The following CNTLN variants were observed in gnomAD, a reference collection of about 807,000 sequenced individuals.
CNTLN encodes the protein centlein, centrosomal protein.
In CNTLN, 212 loss-of-function variants were observed where a neutral mutation model predicts 180.0. The ratio of observed to expected loss-of-function variants is 1.18; its 90% confidence interval spans 1.05 to 1.32. CNTLN has a LOEUF of 1.32. CNTLN is among the 40% of genes most tolerant of loss of function. The probability of loss-of-function intolerance (pLI) is 0.00; values close to 1 mark genes in which losing one functional copy is unlikely to be tolerated. For synonymous variants in CNTLN, 722 were observed against 563.1 expected (o/e 1.28, Z -3.99); for missense variants, 2,095 against 1,610.9 (o/e 1.30, Z -5.14).
At chr9:17,320,001 G>A (rs1443311190) in intron 8 of CNTLN, among the ~76,000 whole-genome samples, 1 of 152,126 alleles carries the variant, frequency 6.6e-6, no homozygotes, top group South Asian at 2.1e-4. Flanking sequence ...ATCTCAAAGC[G>A]ATTGTTTATC....
chr9:17,168,384 C>A lies in CNTLN; in HGVS notation c.449+25008C>A, dbSNP rs372634310. ...AAGTAAAAAAAGAAAAAAGTTATATCCCCAAATTTAAGAAATAAGTAATAT... is the reference window on the plus strand; with the variant it reads ...AAGTAAAAAAAGAAAAAAGTTATATACCCAAATTTAAGAAATAAGTAATAT... On this transcript the variant is annotated intron_variant, in intron 2 of 25. Transcript: ENST00000380647. 19 of 152,214 alleles carry A rather than the reference C, an allele frequency of 1.2e-4. No individual in the cohort carries two copies. The East Asian group carries it at 1.5e-3, about 12-fold the overall frequency. 9.4% of individuals were successfully genotyped at this position (152,214 alleles called of 1,614,324 possible).
At chr9:17,521,358 T>C in the CNTLN span, among the ~76,000 whole-genome samples, 2 of 150,516 alleles carry the variant, frequency 1.3e-5, no homozygotes, top group Admixed American at 1.3e-4. Flanking sequence ...ATCTTAGGTG[T>C]AAGTAAGAAA....
chr9:17,338,156 T>C (rs1163901685), intron 10 of CNTLN, among the ~76,000 whole-genome samples: 1 of 149,152 alleles, frequency 6.7e-6, no homozygotes, highest in Non-Finnish European at 1.5e-5. Flanking sequence ...TTCTTCTTTC[T>C]TTCTTTTTCT....
At chr9:17,297,468 C>G (rs1211150410) in intron 6 of CNTLN, among the ~76,000 whole-genome samples, 1 of 152,152 alleles carries the variant, frequency 6.6e-6, no homozygotes, top group Non-Finnish European at 1.5e-5. Context: ...TAATCTGTAT[C>G]ACACAGGATT....
At chr9:17,390,056 A>G (rs1404936687) in intron 14 of CNTLN, among the ~76,000 whole-genome samples, 1 of 152,072 alleles carries the variant, frequency 6.6e-6, no homozygotes, top group Non-Finnish European at 1.5e-5. Context: ...CTCAGAAGAA[A>G]CCAACCCTGC....
intron 2 of CNTLN, among the ~76,000 whole-genome samples, chr9:17,189,371 C>G (rs940491149): frequency 6.6e-6 from 1 of 151,744 alleles, no homozygotes; most frequent in Non-Finnish European, 1.5e-5. Context: ...CCTGAACCAC[C>G]GTGCCCGGCC....
At chr9:17,389,049 A>C (rs1370217798) in intron 14 of CNTLN, among the ~76,000 whole-genome samples, 7 of 152,094 alleles carry the variant, frequency 4.6e-5, no homozygotes, top group Middle Eastern at 3.4e-3. Context: ...TAAAGCTGAA[A>C]ATGTACAAAT....
chr9:17,414,969 C>G (rs1828115698), intron 16 of CNTLN, among the ~76,000 whole-genome samples: 1 of 151,922 alleles, frequency 6.6e-6, no homozygotes, highest in African/African-American at 2.4e-5. Flanking sequence ...CCCTGTAGTC[C>G]CAGGTACTTG....
At chr9:17,350,937 C>T (rs904543345) in intron 12 of CNTLN, among the ~76,000 whole-genome samples, 30 of 152,072 alleles carry the variant, frequency 2.0e-4, no homozygotes, top group East Asian at 1.4e-3. Flanking sequence ...TTTGAGAGGA[C>T]GTAATTAAGT....
At chr9:17,367,422 A>G (rs556325448) in intron 13 of CNTLN, among the ~76,000 whole-genome samples, 4 of 152,180 alleles carry the variant, frequency 2.6e-5, no homozygotes, top group East Asian at 1.9e-4. Flanking sequence ...CTAGGCCACA[A>G]TGACTTCAAC....
chr9:17,420,901 A>G (rs747578045), intron 18 of CNTLN, among the ~76,000 whole-genome samples: 10 of 152,002 alleles, frequency 6.6e-5, no homozygotes, highest in Non-Finnish European at 1.5e-4. Context: ...TTCTACTTTA[A>G]TTCCATTGTG....
At chr9:17,228,418 C>T (rs1045521947) in intron 3 of CNTLN, among the ~76,000 whole-genome samples, 1 of 151,906 alleles carries the variant, frequency 6.6e-6, no homozygotes, top group African/African-American at 2.4e-5. Flanking sequence ...CATTTTTGTG[C>T]AATGATGATT....
chr9:17,369,206 C>T (rs1405282927), intron 13 of CNTLN, among the ~76,000 whole-genome samples: 2 of 152,056 alleles, frequency 1.3e-5, no homozygotes, highest in Non-Finnish European at 2.9e-5. Flanking sequence ...TTTCCCCGTT[C>T]GCTTGGCACT....
Position 17,201,734 on chromosome 9 carries a change from A to T in CNTLN, c.450-24469A>T, listed in dbSNP as rs1822544758. On this transcript the variant is annotated intron_variant, in intron 2 of 25. Transcript: ENST00000380647. Reference sequence around the variant, plus strand: ...TTTATTCTTCTCTCTTTTGTTCTTTATTATTAGTCTAGCTAGTGATCTATT... The same window carrying T: ...TTTATTCTTCTCTCTTTTGTTCTTTTTTATTAGTCTAGCTAGTGATCTATT... Among the ~76,000 whole-genome samples the T allele has an allele frequency of 3.3e-5, 5 of 151,170 alleles. No individual in the cohort carries two copies. In the South Asian group the frequency reaches 1.0e-3, roughly 32 times the overall value.
intron 18 of CNTLN, among the ~76,000 whole-genome samples, chr9:17,433,087 A>T (rs1304594979): frequency 6.6e-6 from 1 of 151,468 alleles, no homozygotes; most frequent in Non-Finnish European, 1.5e-5. Flanking sequence ...ATCTAACATT[A>T]TTCTCCACTA....
intron 16 of CNTLN, among the ~76,000 whole-genome samples, chr9:17,412,052 G>A (rs568601601): frequency 1.2e-3 from 165 of 142,800 alleles, no homozygotes; most frequent in African/African-American, 4.0e-3. Flanking sequence ...TGGAAGCCCA[G>A]TGGGGAACAT....
intron 18 of CNTLN, among the ~76,000 whole-genome samples, chr9:17,425,182 A>G (rs1483891686): frequency 6.6e-6 from 1 of 152,166 alleles, no homozygotes; most frequent in African/African-American, 2.4e-5. Context: ...TATTATTGCT[A>G]CAGACTGAAT....
At chr9:17,281,792 G>T (rs1188053067) in intron 6 of CNTLN, among the ~76,000 whole-genome samples, 1 of 151,954 alleles carries the variant, frequency 6.6e-6, no homozygotes. Context: ...TATTATATTG[G>T]GTATATATAC....
intron 19 of CNTLN, among the ~76,000 whole-genome samples, chr9:17,458,476 A>G (rs1420603672): frequency 2.6e-5 from 4 of 151,976 alleles, no homozygotes; most frequent in Non-Finnish European, 5.9e-5. Flanking sequence ...GTGAGTCACT[A>G]GAAAGAAAAT....
Sources: allele counts gnomAD v4.1 joint callset (sites outside exome capture counted in the v4.1 genomes callset), GRCh38; gene constraint gnomAD v4.1.1; transcripts MANE v1.5; gene names NCBI Gene and HGNC (gene_info 2026-07-23, HGNC 2026-07-21).